PPM1H: variants seen among roughly 807,000 people sequenced by gnomAD.
PPM1H encodes the protein protein phosphatase, Mg2+/Mn2+ dependent 1H, also known as protein phosphatase 1H.
In PPM1H, 27 loss-of-function variants were observed where a neutral mutation model predicts 54.9. That is an observed-to-expected ratio of 0.49 (90% CI 0.36 to 0.68). The LOEUF is 0.68. Among genes scored for constraint, PPM1H ranks in the 30% least tolerant of loss-of-function variants. The pLI, the probability that PPM1H is intolerant of heterozygous loss-of-function variation, is 0.00. For synonymous variants in PPM1H, 305 were observed against 270.8 expected (o/e 1.13, Z -1.24); for missense variants, 596 against 667.8 (o/e 0.89, Z 1.19).
chr12:62,924,693 C>T (rs1871918042), intron 1 of PPM1H, among the ~76,000 whole-genome samples: 1 of 152,158 alleles, frequency 6.6e-6, no homozygotes, highest in South Asian at 2.1e-4. Flanking sequence ...CCCGAGATGA[C>T]ATTTGATAAC....
chr12:62,649,728 C>T (rs1306147090), intron 9 of PPM1H, among the ~76,000 whole-genome samples: 1 of 152,210 alleles, frequency 6.6e-6, no homozygotes, highest in Non-Finnish European at 1.5e-5. Flanking sequence ...AAAGAATGAG[C>T]TAGTCGTTTT....
At chr12:62,778,715 C>T (rs1196058589) in intron 4 of PPM1H, among the ~76,000 whole-genome samples, 3 of 152,046 alleles carry the variant, frequency 2.0e-5, no homozygotes, top group East Asian at 3.9e-4. Flanking sequence ...CTTTGGGAGG[C>T]GAGGCAAGAG....
intron 3 of PPM1H, among the ~76,000 whole-genome samples, chr12:62,797,306 G>A (rs1488917292): frequency 6.6e-6 from 1 of 152,188 alleles, no homozygotes; most frequent in Admixed American, 6.5e-5. Context: ...TTAGGTGCAA[G>A]GCTTGGGGAA....
At chr12:62,778,754 G>C (rs1427859232) in intron 4 of PPM1H, among the ~76,000 whole-genome samples, 1 of 151,968 alleles carries the variant, frequency 6.6e-6, no homozygotes, top group African/African-American at 2.4e-5. Context: ...CCAGTATAGT[G>C]AGACCCCATC....
rs557476623 is a variant in PPM1H, at chr12:62,865,934, C to A, written c.246-33655G>T. ...TAGTAACCACTTAATGCATAAGTAG[C>A]CACAGCGACTATTGGGTCCCAGCTC... On this transcript the variant is annotated intron_variant, in intron 1 of 9. Coordinates refer to ENST00000228705, the MANE Select transcript of PPM1H (RefSeq NM_020700.2). Among the ~76,000 whole-genome samples the A allele has an allele frequency of 7.2e-5, 11 of 152,306 alleles. 1 individual carries two copies. The highest frequency in any genetic ancestry group is 6.2e-4 in the South Asian group (3 of 4,824).
intron 8 of PPM1H, among the ~76,000 whole-genome samples, chr12:62,671,819 C>G (rs375572029): frequency 2.6e-5 from 4 of 152,188 alleles, no homozygotes; most frequent in Admixed American, 2.0e-4. Flanking sequence ...GTCACTCTCT[C>G]CTGCCAAAGC....
intron 3 of PPM1H, among the ~76,000 whole-genome samples, chr12:62,797,291 G>A (rs76361085): frequency 3.3e-4 from 50 of 152,302 alleles, no homozygotes; most frequent in African/African-American, 1.1e-3. Flanking sequence ...AGGCAAATTA[G>A]AGGCTTAGGT....
chr12:62,733,131 A>T (rs190729198), intron 5 of PPM1H, among the ~76,000 whole-genome samples: 2 of 152,300 alleles, frequency 1.3e-5, no homozygotes, highest in East Asian at 3.9e-4. Flanking sequence ...TTCATTCAGG[A>T]AGAAAGGAGA....
In PPM1H at chr12:62,683,193, A is replaced by G. The variant is rs150745607; in HGVS notation, c.1245+6506T>C. On this transcript the variant is annotated intron_variant, in intron 8 of 9. Transcript: ENST00000228705. ...CCAAAGTGCTGGGATTACAGGTGTG[A>G]TCCACTGTGCCTGGCCCATTCTCTA... 3.4e-4 allele frequency among the ~76,000 whole-genome samples: 52 copies of G among 151,794 alleles called. No individual in the cohort carries two copies. The East Asian group carries it at 9.5e-3, about 28-fold the overall frequency.
intron 1 of PPM1H, among the ~76,000 whole-genome samples, chr12:62,863,874 A>G (rs1175780195): frequency 2.0e-5 from 3 of 152,230 alleles, no homozygotes; most frequent in Admixed American, 6.5e-5. Context: ...TTCATTCCCA[A>G]TGCTTTTTCC....
intron 2 of PPM1H, among the ~76,000 whole-genome samples, chr12:62,825,168 A>G (rs7952955): frequency 0.15 from 23,154 of 152,256 alleles, 1,955 homozygotes; most frequent in Middle Eastern, 0.22. Flanking sequence ...TCAGAGAAAT[A>G]CAAATCAGAA....
rs564178199 is a variant in PPM1H, at chr12:62,767,929, C to T, written c.869+20297G>A. 9.2e-5 allele frequency among the ~76,000 whole-genome samples: 14 copies of T among 152,296 alleles called. 1 individual carries two copies. In the South Asian group the frequency reaches 2.5e-3, roughly 27 times the overall value. ...TCTTCCCTGTGTCTGTCTACACATG[C>T]CCTTCTTAAGTCCAGTCACTGGATT... On this transcript the variant is annotated intron_variant, in intron 4 of 9. Transcript: ENST00000228705.
intron 4 of PPM1H, among the ~76,000 whole-genome samples, chr12:62,770,485 ACAT>A (rs2120646004): frequency 1.3e-5 from 2 of 152,270 alleles, no homozygotes; most frequent in South Asian, 4.1e-4. Context: ...TATCTGTTTT[ACAT>A]ACTGGGCCTC....
Position 62,648,222 on chromosome 12 carries a change from A to T in PPM1H, c.*267T>A. On this transcript the variant is annotated 3_prime_UTR_variant, in exon 10 of 10. Transcript: ENST00000228705. ...TATATACCCCAAATAGTCAATGGCC[A>T]CCTCGGAGGCCTATGAAAGGAACTG... 2.7e-6 allele frequency: 1 copy of T among 376,730 alleles called. No homozygotes were observed. Among genetic ancestry groups the T allele is most frequent in the Admixed American group, 3.7e-5 (1 of 27,208 alleles). The allele number at this position is 376,730 out of a possible 1,614,324, so 23.3% of individuals were successfully genotyped here. A position where few individuals can be genotyped will look rare whatever the true frequency, so the allele number is the denominator to read the frequency against.
At chr12:62,791,965 C>T (rs2076703792) in intron 3 of PPM1H, among the ~76,000 whole-genome samples, 1 of 152,150 alleles carries the variant, frequency 6.6e-6, no homozygotes, top group Admixed American at 6.6e-5. Context: ...TGTATACTGT[C>T]TATAGACTAG....
intron 4 of PPM1H, among the ~76,000 whole-genome samples, chr12:62,763,235 G>C (rs2076520444): frequency 6.6e-6 from 1 of 152,208 alleles, no homozygotes; most frequent in Admixed American, 6.5e-5. Context: ...GGCGGACCGG[G>C]GTTGAGTGCT....
intron 2 of PPM1H, among the ~76,000 whole-genome samples, chr12:62,818,483 GTA>G (rs968093690): frequency 1.3e-5 from 2 of 152,114 alleles, no homozygotes; most frequent in Admixed American, 1.3e-4. Context: ...TGGGAATAAG[GTA>G]TTGTCCTCAA....
rs12579717 is a variant in PPM1H, at chr12:62,870,030, C to T, written c.246-37751G>A. ...GGCCTGGCATATTGCAGATGTTCAA[C>T]AGATACTTGTTGAACAAACACTTGA... is the stretch of plus-strand genomic sequence containing the variant. On this transcript the variant is annotated intron_variant, in intron 1 of 9. Transcript: ENST00000228705. Among the ~76,000 whole-genome samples, 921 of 152,278 alleles carry T rather than the reference C, an allele frequency of 6.0e-3. 14 individuals are homozygous for T. Among genetic ancestry groups the T allele is most frequent in the East Asian group, 0.029 (149 of 5,176 alleles).
rs898992080 is a variant in PPM1H at position 62,656,101 on chromosome 12, G to T, written c.1398-7465C>A. Among the ~76,000 whole-genome samples the T allele has an allele frequency of 1.2e-4, 19 of 152,342 alleles. 1 individual carries two copies. In the East Asian group the frequency reaches 3.3e-3, roughly 26 times the overall value. ...TGACTCTTAAAGTCAGGCGGAAGGA[G>T]GCCATAAATCCTCGATTGTCCTCTT... On this transcript the variant is annotated intron_variant, in intron 9 of 9. Transcript: ENST00000228705.
Sources: allele counts gnomAD v4.1 joint callset (sites outside exome capture counted in the v4.1 genomes callset), GRCh38; gene constraint gnomAD v4.1.1; transcripts MANE v1.5; gene names NCBI Gene and HGNC (gene_info 2026-07-23, HGNC 2026-07-21).